RALYL: variants seen among roughly 807,000 people sequenced by gnomAD.
RALYL encodes RNA-binding Raly-like protein.
A neutral mutation model predicts 35.1 loss-of-function variants in RALYL; 29 were observed. The observed-to-expected ratio is 0.83, with a 90% CI of 0.61 to 1.13. The LOEUF is 1.13. RALYL is among the 50% of genes most tolerant of loss of function. RALYL has a pLI of 0.00. For synonymous variants in RALYL, 120 were observed against 127.6 expected, an observed-to-expected ratio of 0.94 and a Z score of 0.40; for missense variants, 359 against 360.4, an observed-to-expected ratio of 1.00 and a Z score of 0.03.
intron 1 of RALYL, among the ~76,000 whole-genome samples, chr8:84,427,591 T>C (rs1399501035): frequency 6.6e-6 from 1 of 152,200 alleles, no homozygotes; most frequent in Non-Finnish European, 1.5e-5. Flanking sequence ...TTTTTACTAC[T>C]GGCCCTTAGG....
At chr8:84,184,803 C>T (rs1812076733) in intron 1 of RALYL, 2 of 626,320 alleles carry the variant, frequency 3.2e-6, no homozygotes, top group South Asian at 1.9e-5. Context: ...GGGCGAGGGC[C>T]GTGTACGTGG....
intron 1 of RALYL, among the ~76,000 whole-genome samples, chr8:84,392,208 G>C (rs73300755): frequency 0.028 from 4,300 of 151,898 alleles, 200 homozygotes; most frequent in African/African-American, 0.098. Flanking sequence ...GTTTAATATG[G>C]TACAATAATA....
At chr8:84,759,110 C>T (rs1318299212) in intron 2 of RALYL, among the ~76,000 whole-genome samples, 1 of 152,096 alleles carries the variant, frequency 6.6e-6, no homozygotes, top group Non-Finnish European at 1.5e-5. Context: ...CTATGACCTC[C>T]TCTTCTTCCC....
At chr8:84,347,865 G>A (rs1850135810) in intron 1 of RALYL, among the ~76,000 whole-genome samples, 1 of 152,106 alleles carries the variant, frequency 6.6e-6, no homozygotes, top group South Asian at 2.1e-4. Context: ...TGCTATTTGA[G>A]TAAAGAACAA....
chr8:84,308,845 TCAA>T (rs1842270013), intron 1 of RALYL, among the ~76,000 whole-genome samples: 1 of 152,056 alleles, frequency 6.6e-6, no homozygotes, highest in East Asian at 1.9e-4. Context: ...TTTTGTTCTT[TCAA>T]CAACAAATAT....
rs190250708 is a variant in RALYL at position 84,374,341 on chromosome 8, G to T, written c.-23-154958G>T. On this transcript the variant is annotated intron_variant, in intron 1 of 8. Transcript: ENST00000521268. ...CCATTTGGTATGATATTGTCTGTGAGTTTGTCATAGGTACCTCTTATTATT... is the reference window on the plus strand; with the variant it reads ...CCATTTGGTATGATATTGTCTGTGATTTTGTCATAGGTACCTCTTATTATT... Among the ~76,000 whole-genome samples the T allele has an allele frequency of 2.6e-5, 4 of 152,046 alleles. No individual in the cohort carries two copies. The Admixed American group carries it at 2.6e-4, about 10-fold the overall frequency.
intron 1 of RALYL, among the ~76,000 whole-genome samples, chr8:84,321,786 T>C (rs1844868716): frequency 6.6e-6 from 1 of 152,008 alleles, no homozygotes; most frequent in South Asian, 2.1e-4. Flanking sequence ...AGTATAATAA[T>C]AAATTACAGC....
chr8:84,247,314 A>G (rs1037622639), intron 1 of RALYL, among the ~76,000 whole-genome samples: 12 of 152,188 alleles, frequency 7.9e-5, no homozygotes, highest in African/African-American at 2.9e-4. Context: ...GTGTTTCTTT[A>G]TCATTCTTCT....
intron 2 of RALYL, among the ~76,000 whole-genome samples, chr8:84,548,051 A>C (rs1317369233): frequency 6.6e-6 from 1 of 152,130 alleles, no homozygotes; most frequent in Non-Finnish European, 1.5e-5. Context: ...ATATATTTTC[A>C]AATTAGATTT....
intron 1 of RALYL, among the ~76,000 whole-genome samples, chr8:84,340,143 C>T (rs956469825): frequency 2.0e-5 from 3 of 152,046 alleles, no homozygotes; most frequent in African/African-American, 7.2e-5. Flanking sequence ...ACCTCCCCAG[C>T]CATGTGAAAC....
intron 1 of RALYL, among the ~76,000 whole-genome samples, chr8:84,224,287 C>T (rs530268526): frequency 6.6e-6 from 1 of 152,282 alleles, no homozygotes; most frequent in East Asian, 1.9e-4. Flanking sequence ...CTCTGTACAG[C>T]TCTCAACCCC....
At chr8:84,738,822 C>T (rs1589281991) in intron 2 of RALYL, among the ~76,000 whole-genome samples, 2 of 152,036 alleles carry the variant, frequency 1.3e-5, no homozygotes, top group African/African-American at 2.4e-5. Flanking sequence ...CGTAACTGCC[C>T]GAACCTATTG....
At chr8:84,917,863 G>A (rs907708771) in intron 8 of RALYL, among the ~76,000 whole-genome samples, 4 of 151,944 alleles carry the variant, frequency 2.6e-5, no homozygotes, top group Non-Finnish European at 5.9e-5. Context: ...ATGAACAGTA[G>A]GTGCTGAGAA....
chr8:84,679,812 A>C, intron 2 of RALYL: 1 of 469,700 alleles, frequency 2.1e-6, no homozygotes, highest in Non-Finnish European at 4.2e-6. Flanking sequence ...AATTTAGTTT[A>C]CCTGATCTAG....
intron 1 of RALYL, among the ~76,000 whole-genome samples, chr8:84,424,152 C>A (rs2046044723): frequency 6.6e-6 from 1 of 150,770 alleles, no homozygotes; most frequent in Non-Finnish European, 1.5e-5. Context: ...TGTTTTCCAA[C>A]TTGGTTCCAT....
chr8:84,438,047 G>T (rs1167381324), intron 1 of RALYL, among the ~76,000 whole-genome samples: 3 of 152,086 alleles, frequency 2.0e-5, no homozygotes, highest in African/African-American at 7.2e-5. Flanking sequence ...GTTGGCCATT[G>T]CTATGTCTTC....
intron 8 of RALYL, among the ~76,000 whole-genome samples, chr8:84,908,212 A>C (rs1451848208): frequency 6.6e-6 from 1 of 152,212 alleles, no homozygotes; most frequent in East Asian, 1.9e-4. Context: ...TTTTGTGATG[A>C]GAACATTTGA....
At position 84,887,676 on chromosome 8, in the gene RALYL, A is replaced by C; in HGVS notation, c.758A>C (p.His253Pro). 1 of 1,613,710 alleles carries C rather than the reference A, an allele frequency of 6.2e-7. No homozygotes were observed. Among genetic ancestry groups the C allele is most frequent in the Non-Finnish European group, 8.5e-7 (1 of 1,179,734 alleles). ...QEECVSEIAD[H>P]STEEPAEGGP... is the part of the protein sequence containing the mutation. The stretch of plus-strand genomic sequence containing the variant: ...GAATGTGTGTCAGAGATTGCAGATC[A>C]CTCTACAGAGGAGCCTGCTGAAGGA... Residue 253 changes from histidine (H) to proline (P), a missense_variant, in exon 8 of 9, where the codon CAC becomes CCC. By Grantham distance (77) the His-to-Pro change is moderately conservative. Transcript: ENST00000521268.
At chr8:84,704,200 G>A (rs538093544) in intron 2 of RALYL, among the ~76,000 whole-genome samples, 10 of 152,180 alleles carry the variant, frequency 6.6e-5, no homozygotes, top group African/African-American at 1.7e-4. Flanking sequence ...CAAGGTGGGC[G>A]GATCACCTGA....
Sources: gnomAD v4.1 joint callset for allele counts (sites outside exome capture counted in the v4.1 genomes callset) on GRCh38, gnomAD v4.1.1 for gene constraint, MANE v1.5 for transcripts, NCBI Gene and HGNC (gene_info 2026-07-23, HGNC 2026-07-21) for gene names.